CACNA1C: variants seen among roughly 807,000 people sequenced by gnomAD.
CACNA1C encodes the protein voltage-dependent L-type calcium channel subunit alpha-1C.
In CACNA1C, 30 loss-of-function variants were observed where a neutral mutation model predicts 229.0. That is an observed-to-expected ratio of 0.13 (90% confidence interval 0.10 to 0.18). The LOEUF (loss-of-function observed/expected upper bound fraction) is 0.18, where lower values mean the gene tolerates loss of function less well. CACNA1C is among the 10% of genes least tolerant of loss of function. CACNA1C has a pLI of 1.00. For missense variants in CACNA1C, 1,658 were observed against 2,845.0 expected (o/e 0.58, Z 9.49); for synonymous variants, 1,114 against 1,132.5 (o/e 0.98, Z 0.33).
chr12:2,359,757 C>A (rs187044351), intron 3 of CACNA1C, among the ~76,000 whole-genome samples: 1 of 152,046 alleles, frequency 6.6e-6, no homozygotes, highest in African/African-American at 2.4e-5. Flanking sequence ...TAATAGGCTT[C>A]CAGTTTGTGG....
chr12:2,529,819 A>G (rs2099836590), intron 9 of CACNA1C, among the ~76,000 whole-genome samples: 1 of 152,178 alleles, frequency 6.6e-6, no homozygotes, highest in Non-Finnish European at 1.5e-5. Context: ...AATACTTCTC[A>G]TTTTATCCTT....
In CACNA1C at chr12:2,679,388, C is replaced by G. The variant is rs1014999329; in HGVS notation, c.5092-56C>G. ...CTGACCTGGCTGTGGAGGCTGCTCT[C>G]TGGGAGGAGTGGGTGCTAAGGGGCT... On this transcript the variant is annotated intron_variant, in intron 41 of 46. Coordinates refer to ENST00000399655, the MANE Select transcript of CACNA1C (RefSeq NM_000719.7). This position sits in a 1 kb window ranked among gnomAD's most constrained non-coding sequence, Gnocchi z 5.5. 3.0e-6 allele frequency: 4 copies of G among 1,312,880 alleles called. No individual in the cohort carries two copies. Among genetic ancestry groups the G allele is most frequent in the Non-Finnish European group, 4.1e-6 (4 of 968,766 alleles). 81.3% of individuals were successfully genotyped at this position (1,312,880 alleles called of 1,614,324 possible).
chr12:2,420,215 A>G (rs2098964645), intron 3 of CACNA1C, among the ~76,000 whole-genome samples: 1 of 151,526 alleles, frequency 6.6e-6, no homozygotes, highest in African/African-American at 2.4e-5. Flanking sequence ...CAACAGGGAC[A>G]TGGAGCCACT....
intron 1 of CACNA1C, among the ~76,000 whole-genome samples, chr12:2,097,439 C>T (rs912092216): frequency 6.6e-6 from 1 of 152,184 alleles, no homozygotes; most frequent in African/African-American, 2.4e-5. Context: ...AGCCACCGCG[C>T]CTGGCCACAT....
At position 2,566,785 on chromosome 12, in the gene CACNA1C, C is replaced by T. The variant is rs935604438; in HGVS notation, c.1669+203C>T. Among the ~76,000 whole-genome samples, 6 of 152,336 alleles carry T rather than the reference C, an allele frequency of 3.9e-5. No homozygotes were observed. The highest frequency in any genetic ancestry group is 2.1e-4 in the South Asian group (1 of 4,830). On this transcript the variant is annotated intron_variant, in intron 12 of 46. Transcript: ENST00000399655. This position sits in a 1 kb window ranked among gnomAD's most constrained non-coding sequence, Gnocchi z 4.0. ...TGCGCTACCTTGTTAAAAACAGACA[C>T]GGCTCTCCTGACTGGGCCCACACCA...
At chr12:2,378,359 T>C (rs906297338) in intron 3 of CACNA1C, among the ~76,000 whole-genome samples, 2 of 152,184 alleles carry the variant, frequency 1.3e-5, no homozygotes, top group African/African-American at 4.8e-5. Context: ...CACCCCTCTA[T>C]GGCCTCTGCA....
chr12:2,178,121 G>A (rs1190824870), intron 3 of CACNA1C, among the ~76,000 whole-genome samples: 1 of 152,204 alleles, frequency 6.6e-6, no homozygotes, highest in Admixed American at 6.5e-5. Flanking sequence ...TCCAAGGAAG[G>A]GATATCAGGA....
At chr12:2,299,731 T>C (rs2094406002) in intron 3 of CACNA1C, among the ~76,000 whole-genome samples, 1 of 152,138 alleles carries the variant, frequency 6.6e-6, no homozygotes, top group Non-Finnish European at 1.5e-5. Context: ...AACTTGATCC[T>C]CAATTCCTAG....
At chr12:2,130,292 C>CT (rs112966901) in intron 3 of CACNA1C, among the ~76,000 whole-genome samples, 80 of 140,744 alleles carry the variant, frequency 5.7e-4, no homozygotes, top group African/African-American at 1.3e-3. Context: ...TTAAATATCT[C>CT]TTTTTTTTTT....
At chr12:2,361,150 C>G (rs770018528) in intron 3 of CACNA1C, among the ~76,000 whole-genome samples, 14 of 151,430 alleles carry the variant, frequency 9.2e-5, no homozygotes, top group Non-Finnish European at 1.9e-4. Flanking sequence ...TTGCTGAATT[C>G]CAGATTGCGG....
At chr12:2,205,746 G>A (rs1384439356) in intron 3 of CACNA1C, among the ~76,000 whole-genome samples, 6 of 152,150 alleles carry the variant, frequency 3.9e-5, no homozygotes, top group Non-Finnish European at 7.3e-5. Context: ...CGCAGTGGGG[G>A]GACTACAAAG....
At chr12:2,339,659 G>A (rs964385874) in intron 3 of CACNA1C, among the ~76,000 whole-genome samples, 1 of 151,930 alleles carries the variant, frequency 6.6e-6, no homozygotes, top group African/African-American at 2.4e-5. Context: ...TTTTTGTTAA[G>A]AAGTAAGACA....
intron 34 of CACNA1C, among the ~76,000 whole-genome samples, chr12:2,664,071 C>A (rs375395163): frequency 6.6e-6 from 1 of 152,138 alleles, no homozygotes; most frequent in Non-Finnish European, 1.5e-5. Context: ...ACCCTACAAA[C>A]GAACAAGAAG....
At chr12:2,249,892 T>C (rs1262538643) in intron 3 of CACNA1C, among the ~76,000 whole-genome samples, 1 of 151,554 alleles carries the variant, frequency 6.6e-6, no homozygotes, top group Admixed American at 6.6e-5. Context: ...TGCCTCAAGC[T>C]CCGCCTCCCG....
At chr12:2,565,385 T>A (rs941735617) in intron 11 of CACNA1C, among the ~76,000 whole-genome samples, 3 of 148,450 alleles carry the variant, frequency 2.0e-5, no homozygotes, top group Non-Finnish European at 4.4e-5. Context: ...GAGAATGGCG[T>A]GAACCCGGGA....
chr12:2,510,065 C>G (rs912677575), intron 8 of CACNA1C, among the ~76,000 whole-genome samples: 16 of 152,220 alleles, frequency 1.1e-4, no homozygotes, highest in Admixed American at 1.0e-3. Context: ...GCCCTGGCCC[C>G]TGGCTCTCCA....
intron 3 of CACNA1C, among the ~76,000 whole-genome samples, chr12:2,289,390 C>G (rs971805227): frequency 6.6e-6 from 1 of 152,206 alleles, no homozygotes; most frequent in South Asian, 2.1e-4. Context: ...CAGAGGCAAC[C>G]CTGCTGGACA....
chr12:2,674,900 C>A (rs914814297), intron 39 of CACNA1C, among the ~76,000 whole-genome samples: 1 of 152,160 alleles, frequency 6.6e-6, no homozygotes, highest in African/African-American at 2.4e-5. Flanking sequence ...CTGGTACAAC[C>A]CTGCTTTTTA....
chr12:2,256,217 C>T (rs986113074), intron 3 of CACNA1C, among the ~76,000 whole-genome samples: 2 of 152,130 alleles, frequency 1.3e-5, no homozygotes, highest in East Asian at 3.8e-4. Context: ...GCCCAGGAAT[C>T]TACATTTTTA....
Sources: allele counts gnomAD v4.1 joint callset (sites outside exome capture counted in the v4.1 genomes callset), GRCh38; gene constraint gnomAD v4.1.1; non-coding constraint Gnocchi (gnomAD v3.1); transcripts MANE v1.5; gene names NCBI Gene and HGNC (gene_info 2026-07-23, HGNC 2026-07-21).